UBE2V1: variants seen among roughly 807,000 people sequenced by gnomAD.
UBE2V1 encodes the protein ubiquitin conjugating enzyme E2 V1, also known as ubiquitin-conjugating enzyme E2 variant 1.
Under a neutral mutation model 19.6 loss-of-function variants are expected in UBE2V1, and 15 were observed. The observed-to-expected ratio is 0.77, with a 90% CI of 0.51 to 1.18. UBE2V1 has a LOEUF of 1.18. Ranked by LOEUF, UBE2V1 falls within the 50% of genes most tolerant of loss-of-function variation. The pLI, the probability that UBE2V1 is intolerant of heterozygous loss-of-function variation, is 0.00. For synonymous variants in UBE2V1, 60 were observed against 60.7 expected, an observed-to-expected ratio of 0.99 and a Z score of 0.05; for missense variants, 125 against 184.8, an observed-to-expected ratio of 0.68 and a Z score of 1.88.
chr20:50,084,326 C>G, intron 2 of UBE2V1, 72 bp from the exon 3 acceptor site: 1 of 1,605,398 alleles, frequency 6.2e-7, no homozygotes, highest in Non-Finnish European at 8.5e-7. Flanking sequence ...CTTGTGAAAC[C>G]CCATTTATCC....
chr20:50,087,049 C>T (rs984669024), intron 2 of UBE2V1, among the ~76,000 whole-genome samples: 1 of 151,988 alleles, frequency 6.6e-6, no homozygotes, highest in African/African-American at 2.4e-5. Flanking sequence ...TGCACTCCAG[C>T]CTGGGCGACA....
At chr20:50,104,814 C>T (rs1291767388) in intron 1 of UBE2V1, among the ~76,000 whole-genome samples, 2 of 152,030 alleles carry the variant, frequency 1.3e-5, no homozygotes, top group Non-Finnish European at 2.9e-5. Flanking sequence ...TCAACCTTCA[C>T]CTTCTGGGTT....
intron 1 of UBE2V1, chr20:50,099,077 C>G (rs929749898): frequency 1.5e-6 from 1 of 678,524 alleles, no homozygotes; most frequent in Non-Finnish European, 1.8e-6. Context: ...CCTAATTAGG[C>G]TAGCGGGGGA....
In UBE2V1 at chr20:50,082,518, G is replaced by C; in HGVS notation, c.*250C>G. 2 of 550,402 alleles carry C rather than the reference G, an allele frequency of 3.6e-6. No individual in the cohort carries two copies. The highest frequency in any genetic ancestry group is 3.9e-5 in the Admixed American group (1 of 25,752). The allele number at this position is 550,402 out of a possible 1,614,324, so 34.1% of individuals were successfully genotyped here. Reference sequence around the variant, plus strand: ...ATTTAAATAGACTTTCTTGATCCCAGAAGTTCAACTACGTGGACAGTGGTT... The same window carrying C: ...ATTTAAATAGACTTTCTTGATCCCACAAGTTCAACTACGTGGACAGTGGTT... On this transcript the variant is annotated 3_prime_UTR_variant, in exon 4 of 4. Coordinates refer to ENST00000371674, the MANE Select transcript of UBE2V1 (RefSeq NM_001032288.3).
chr20:50,083,453 A>T (rs2078733451), intron 3 of UBE2V1, among the ~76,000 whole-genome samples: 1 of 152,242 alleles, frequency 6.6e-6, no homozygotes, highest in Non-Finnish European at 1.5e-5. Context: ...ATTCAGGATT[A>T]AACACTAAAC....
At chr20:50,095,356 C>G (rs1487160502) in intron 2 of UBE2V1, 3 of 152,002 alleles carry the variant, frequency 2.0e-5, no homozygotes, top group African/African-American at 7.3e-5. Context: ...TTGGGTTTTC[C>G]CCGGTATTTA....
chr20:50,083,330 T>C (rs1355666777), intron 3 of UBE2V1, among the ~76,000 whole-genome samples: 2 of 152,160 alleles, frequency 1.3e-5, no homozygotes, highest in Non-Finnish European at 2.9e-5. Context: ...CCTGCTCCAG[T>C]GACAAGGGCC....
At chr20:50,108,056 T>C (rs141835861) in intron 1 of UBE2V1, among the ~76,000 whole-genome samples, 2 of 152,110 alleles carry the variant, frequency 1.3e-5, no homozygotes, top group Non-Finnish European at 2.9e-5. Flanking sequence ...TTGTGGGCCA[T>C]GGAAAAGGGA....
At chr20:50,086,210 C>T (rs1336910674) in intron 2 of UBE2V1, among the ~76,000 whole-genome samples, 1 of 152,150 alleles carries the variant, frequency 6.6e-6, no homozygotes. Flanking sequence ...TTCAACCTTG[C>T]CAAGTTCTCT....
At position 50,081,671 on chromosome 20, in the gene UBE2V1, T is replaced by C. The variant is rs2078649987; in HGVS notation, c.*1097A>G. The C allele has an allele frequency of 1.1e-5, 2 of 183,670 alleles. 1 individual carries two copies. Among genetic ancestry groups the C allele is most frequent in the Admixed American group, 1.2e-4 (2 of 16,274 alleles). The allele number at this position is 183,670 out of a possible 1,614,324, so 11.4% of individuals were successfully genotyped here. On this transcript the variant is annotated 3_prime_UTR_variant, in exon 4 of 4. Coordinates refer to ENST00000371674, the MANE Select transcript of UBE2V1 (RefSeq NM_001032288.3). ...AAGCCCTGTTTAAAACTTCTTCAAT[T>C]TTTAAAAGCAAAAGCAGTTACAGGA...
At chr20:50,114,732 C>G (rs1381583230), upstream of UBE2V1, among the ~76,000 whole-genome samples, 1 of 152,110 alleles carries the variant, frequency 6.6e-6, no homozygotes, top group African/African-American at 2.4e-5. Context: ...GGTCCTGACT[C>G]CGCACTTGCA....
At chr20:50,098,321 AGAG>A (rs2079767152) in intron 1 of UBE2V1, among the ~76,000 whole-genome samples, 1 of 152,234 alleles carries the variant, frequency 6.6e-6, no homozygotes, top group African/African-American at 2.4e-5. Context: ...TGAGAGAGCA[AGAG>A]GAGATTAAGG....
At chr20:50,113,282 C>T (rs2080902733), upstream of UBE2V1, 4 of 525,422 alleles carry the variant, frequency 7.6e-6, no homozygotes, top group South Asian at 8.1e-5. Context: ...GGCTCTTTTC[C>T]TTCCCTTTTA....
intron 1 of UBE2V1, among the ~76,000 whole-genome samples, chr20:50,104,065 C>T (rs536473547): frequency 6.5e-4 from 98 of 151,614 alleles, no homozygotes; most frequent in African/African-American, 2.3e-3. Context: ...AGGCGGATCA[C>T]GAGGTCAGGA....
intron 2 of UBE2V1, among the ~76,000 whole-genome samples, chr20:50,089,835 C>T (rs1307853257): frequency 1.3e-5 from 2 of 152,176 alleles, no homozygotes; most frequent in African/African-American, 4.8e-5. Flanking sequence ...CCACATGATC[C>T]TAATAGAAAA....
intron 1 of UBE2V1, chr20:50,098,952 T>G: frequency 1.0e-6 from 1 of 985,456 alleles, no homozygotes; most frequent in Non-Finnish European, 1.2e-6. Context: ...TCAGCTATAC[T>G]GGATTAAGTC....
chr20:50,106,882 AAAAAAC>A (rs2080417878), intron 1 of UBE2V1, among the ~76,000 whole-genome samples: 6 of 150,820 alleles, frequency 4.0e-5, no homozygotes, highest in African/African-American at 1.5e-4. Context: ...AACAAAAAAA[AAAAAAC>A]AAAAAAAAGG....
intron 1 of UBE2V1, among the ~76,000 whole-genome samples, chr20:50,097,307 T>C (rs1382203937): frequency 6.6e-6 from 1 of 152,132 alleles, no homozygotes; most frequent in Non-Finnish European, 1.5e-5. Flanking sequence ...CAACTAAGAG[T>C]CAACTGAAGG....
chr20:50,111,473 T>C (rs1219629994), intron 1 of UBE2V1: 1 of 1,000,214 alleles, frequency 1.0e-6, no homozygotes, highest in East Asian at 1.1e-4. Flanking sequence ...TGAGAAGTTT[T>C]ACCCAGCAGT....
Sources: allele counts gnomAD v4.1 joint callset (sites outside exome capture counted in the v4.1 genomes callset), GRCh38; gene constraint gnomAD v4.1.1; transcripts MANE v1.5; gene names NCBI Gene and HGNC (gene_info 2026-07-23, HGNC 2026-07-21).